Variants in GON4L observed in about 807,000 individuals in gnomAD.
GON4L encodes the protein gon-4 like, also known as GON-4-like protein.
Under a neutral mutation model 211.8 loss-of-function variants are expected in GON4L, and 87 were observed. The ratio of observed to expected loss-of-function variants is 0.41; its 90% CI spans 0.35 to 0.49. GON4L has a LOEUF of 0.49. Among genes scored for constraint, GON4L ranks in the 20% least tolerant of loss-of-function variants. The pLI, the probability that GON4L is intolerant of heterozygous loss-of-function variation, is 0.15. For synonymous variants in GON4L, 875 were observed against 962.6 expected (o/e 0.91, Z 1.68); for missense variants, 2,155 against 2,659.5 (o/e 0.81, Z 4.17).
At chr1:155,793,476 T>G (rs928243285) in intron 12 of GON4L, among the ~76,000 whole-genome samples, 22 of 152,220 alleles carry the variant, frequency 1.4e-4, no homozygotes, top group African/African-American at 5.1e-4. Context: ...TGTATATTAT[T>G]CCAGTACAGG....
chr1:155,752,949 G>A (rs988392848), intron 29 of GON4L, among the ~76,000 whole-genome samples: 1 of 152,182 alleles, frequency 6.6e-6, no homozygotes, highest in African/African-American at 2.4e-5. Flanking sequence ...GAGACAGGGG[G>A]AAGGGTTTTT....
chr1:155,818,963 A>G (rs1347588490), intron 6 of GON4L, among the ~76,000 whole-genome samples: 1 of 150,458 alleles, frequency 6.6e-6, no homozygotes, highest in Non-Finnish European at 1.5e-5. Flanking sequence ...GCACCACTGC[A>G]CTCCAGCCTA....
intron 12 of GON4L, among the ~76,000 whole-genome samples, chr1:155,793,786 T>A (rs566302712): frequency 9.3e-4 from 141 of 152,162 alleles, no homozygotes; most frequent in African/African-American, 3.4e-3. Context: ...TTTCTTAAAT[T>A]TTTAGTACAG....
chr1:155,850,796 A>G (rs932090248), intron 2 of GON4L, among the ~76,000 whole-genome samples: 2 of 152,098 alleles, frequency 1.3e-5, no homozygotes, highest in African/African-American at 4.8e-5. Flanking sequence ...CACGCCTGTA[A>G]TCCTAGCACT....
downstream of GON4L, chr1:155,745,808 G>T (rs934013886): frequency 9.9e-6 from 6 of 606,260 alleles, no homozygotes; most frequent in Non-Finnish European, 1.8e-5. Context: ...GAGGCGCGGC[G>T]GCCCCGTGGA....
At chr1:155,811,554 G>A (rs1270900648) in intron 10 of GON4L, among the ~76,000 whole-genome samples, 1 of 149,970 alleles carries the variant, frequency 6.7e-6, no homozygotes. Flanking sequence ...TCAGGAGTTC[G>A]AGACCAGCCT....
At chr1:155,808,436 C>T (rs1667366467) in intron 10 of GON4L, among the ~76,000 whole-genome samples, 1 of 152,148 alleles carries the variant, frequency 6.6e-6, no homozygotes, top group Admixed American at 6.6e-5. Flanking sequence ...CTCATTTCTA[C>T]CTCTTTTTCA....
At chr1:155,835,462 T>C (rs984107406) in intron 2 of GON4L, among the ~76,000 whole-genome samples, 4 of 145,796 alleles carry the variant, frequency 2.7e-5, no homozygotes, top group African/African-American at 1.0e-4. Flanking sequence ...GAATGATCAA[T>C]TAAAAAAAAA....
At chr1:155,745,557 G>GTC (rs1300846373), downstream of GON4L, among the ~76,000 whole-genome samples, 5 of 152,228 alleles carry the variant, frequency 3.3e-5, no homozygotes, top group African/African-American at 4.8e-5. Flanking sequence ...AGTCAGCGGC[G>GTC]GAGACAGCGC....
chr1:155,816,280 AAAT>A lies in GON4L; in HGVS notation c.1015-21_1015-19del. 8.9e-7 allele frequency: 1 copy of A among 1,126,236 alleles called. No homozygotes were observed. The highest frequency in any genetic ancestry group is 1.4e-6 in the Non-Finnish European group (1 of 739,050). 69.8% of individuals were successfully genotyped at this position (1,126,236 alleles called of 1,614,324 possible). ...GGAATTACCTACCAACAAAGAATATAAATAATTAAGTTATCTTAACTGAAATAA... is the reference window on the plus strand; with the variant it reads ...GGAATTACCTACCAACAAAGAATATAAATTAAGTTATCTTAACTGAAATAA... On this transcript the variant is annotated intron_variant, in intron 6 of 31. Coordinates refer to ENST00000368331, the MANE Select transcript of GON4L (RefSeq NM_001282860.2).
Position 155,766,327 on chromosome 1 carries a change from A to T in GON4L, c.3146T>A (p.Leu1049Ter). Residue 1049 changes from leucine to a stop codon, truncating the protein, a stop_gained, in exon 21 of 32, where the codon TTA (leucine) becomes TAA (stop). Coordinates refer to ENST00000368331, the MANE Select transcript of GON4L (RefSeq NM_001282860.2). LOFTEE classifies it high-confidence loss of function. ...IPHPIQPATV[L>*]QTVPGVPPLG... ...TGGAGGGACACCTGGAACTGTCTGT[A>T]AAACAGTGGCTGGCTGTATTGGGTG... 1 of 1,614,108 alleles carries T rather than the reference A, an allele frequency of 6.2e-7. No homozygotes were observed. The highest frequency in any genetic ancestry group is 1.3e-5 in the African/African-American group (1 of 75,030).
At chr1:155,845,124 G>C (rs570563890) in intron 2 of GON4L, among the ~76,000 whole-genome samples, 1 of 152,164 alleles carries the variant, frequency 6.6e-6, no homozygotes, top group African/African-American at 2.4e-5. Context: ...GGGGGAGTGA[G>C]GTAGGAGAGA....
chr1:155,754,456 A>ACAG lies in GON4L; in HGVS notation c.5547_5549dup (p.Cys1850dup). ...GACCTCCTTCATGGCAGGAGCAGGC[A>ACAG]CAGTCCTTGGCCCCATCTGGCCATT... On this transcript the variant is annotated inframe_insertion, in exon 28 of 32. Coordinates refer to ENST00000368331, the MANE Select transcript of GON4L (RefSeq NM_001282860.2). 6.2e-7 allele frequency: 1 copy of ACAG among 1,611,222 alleles called. No homozygotes were observed. Among genetic ancestry groups the ACAG allele is most frequent in the East Asian group, 2.2e-5 (1 of 44,802 alleles).
chr1:155,827,874 T>C (rs74188952), intron 2 of GON4L, among the ~76,000 whole-genome samples: 12,264 of 152,118 alleles, frequency 0.081, 1,711 homozygotes, highest in East Asian at 0.66. Context: ...CTAGGCCAGG[T>C]GGCTCACACC....
chr1:155,819,190 C>A (rs1668523237), intron 6 of GON4L, among the ~76,000 whole-genome samples: 1 of 151,856 alleles, frequency 6.6e-6, no homozygotes, highest in Admixed American at 6.6e-5. Context: ...GTAATCCCAG[C>A]TACTCAGGAG....
chr1:155,751,625 T>G (rs1660596865), intron 31 of GON4L, 142 bp downstream of exon 31: 2 of 640,286 alleles, frequency 3.1e-6, no homozygotes, highest in South Asian at 1.8e-5. Flanking sequence ...ACCACCCTGA[T>G]GAGTCAAGCC....
chr1:155,815,974 G>T, intron 7 of GON4L, 74 bp from the exon 8 acceptor site: 1 of 936,396 alleles, frequency 1.1e-6, no homozygotes, highest in Non-Finnish European at 1.7e-6. Flanking sequence ...ATAAGGGGAA[G>T]AAGCAGGGCA....
intron 31 of GON4L, among the ~76,000 whole-genome samples, 184 bp from the exon 32 acceptor site, chr1:155,750,917 C>A (rs1660508487): frequency 6.6e-6 from 1 of 152,110 alleles, no homozygotes; most frequent in African/African-American, 2.4e-5. Flanking sequence ...GTGCCCACCA[C>A]CACACCTGAC....
intron 10 of GON4L, among the ~76,000 whole-genome samples, chr1:155,811,260 C>T (rs557957095): frequency 1.3e-4 from 20 of 148,902 alleles, no homozygotes; most frequent in East Asian, 2.0e-4. Flanking sequence ...GCGCATGGTG[C>T]GGGCGCCTGT....
Sources: allele counts gnomAD v4.1 joint callset (sites outside exome capture counted in the v4.1 genomes callset), GRCh38; gene constraint gnomAD v4.1.1; transcripts MANE v1.5; gene names NCBI Gene and HGNC (gene_info 2026-07-23, HGNC 2026-07-21).